Variants in MARK1 observed in about 807,000 individuals in gnomAD.
MARK1 encodes serine/threonine-protein kinase MARK1.
MARK1 carries 40 observed loss-of-function variants against 96.3 expected under a neutral mutation model. The ratio of observed to expected loss-of-function variants is 0.42; its 90% CI spans 0.32 to 0.54. MARK1 has a LOEUF of 0.54. MARK1 is among the 20% of genes least tolerant of loss of function. The probability of loss-of-function intolerance (pLI) is 0.16; values close to 1 mark genes in which losing one functional copy is unlikely to be tolerated. For missense variants in MARK1, 719 were observed against 984.6 expected (o/e 0.73, Z 3.61); for synonymous variants, 317 against 341.2 (o/e 0.93, Z 0.78).
chr1:220,585,241 T>C (rs1348251717), intron 3 of MARK1, among the ~76,000 whole-genome samples: 1 of 152,230 alleles, frequency 6.6e-6, no homozygotes, highest in African/African-American at 2.4e-5. Context: ...ATGCTTTTAA[T>C]TTTGATTTGG....
At chr1:220,626,361 G>A in intron 9 of MARK1, 1 of 549,468 alleles carries the variant, frequency 1.8e-6, no homozygotes, top group South Asian at 1.4e-5. Flanking sequence ...CAGGAACTAG[G>A]GATCTACAGG....
At chr1:220,579,275 A>G (rs772053361) in intron 1 of MARK1, 79 bp from the exon 2 acceptor site, 347 of 938,636 alleles carry the variant, frequency 3.7e-4, no homozygotes, top group Non-Finnish European at 5.4e-4. Flanking sequence ...ATTGGTAATA[A>G]TAATTATTTG....
intron 9 of MARK1, chr1:220,626,852 C>G: frequency 2.4e-6 from 1 of 419,838 alleles, no homozygotes; most frequent in Non-Finnish European, 4.6e-6. Flanking sequence ...GGGGGGCATG[C>G]CAAGTGTATG....
chr1:220,578,143 T>C (rs1213923535), intron 1 of MARK1, among the ~76,000 whole-genome samples: 1 of 152,214 alleles, frequency 6.6e-6, no homozygotes, highest in Non-Finnish European at 1.5e-5. Context: ...AAACAAAATA[T>C]ATCCTTTCCT....
intron 3 of MARK1, among the ~76,000 whole-genome samples, chr1:220,597,812 A>G (rs1288293605): frequency 6.6e-6 from 1 of 152,202 alleles, no homozygotes; most frequent in Non-Finnish European, 1.5e-5. Flanking sequence ...TTGTTTTTAT[A>G]TAAATTAGTA....
rs570801314 is a variant in MARK1 at position 220,625,727 on chromosome 1, G to A, written c.910-5308G>A. The A allele has an allele frequency of 9.1e-5, 39 of 430,416 alleles. No homozygotes were observed. In the East Asian group the frequency reaches 2.6e-3, roughly 29 times the overall value. 26.7% of individuals were successfully genotyped at this position (430,416 alleles called of 1,614,324 possible). Reference sequence around the variant, plus strand: ...TTGAGACCAACTGATGGGAGGGATGGAAGGCAAGCAAGATGACGCAGACAC... The same window carrying A: ...TTGAGACCAACTGATGGGAGGGATGAAAGGCAAGCAAGATGACGCAGACAC... On this transcript the variant is annotated intron_variant, in intron 9 of 17. Transcript: ENST00000366917.
chr1:220,653,853 T>C (rs1271815184), intron 16 of MARK1, among the ~76,000 whole-genome samples: 1 of 152,172 alleles, frequency 6.6e-6, no homozygotes, highest in African/African-American at 2.4e-5. Flanking sequence ...AATGAATACA[T>C]GTATAGTAAA....
intron 1 of MARK1, among the ~76,000 whole-genome samples, chr1:220,562,476 GAAACAA>G (rs758238666): frequency 6.6e-6 from 1 of 151,992 alleles, no homozygotes; most frequent in Admixed American, 6.6e-5. Context: ...GTCTCAAAAG[GAAACAA>G]AAACAAAAAC....
chr1:220,584,261 A>G (rs1664445208), intron 3 of MARK1, among the ~76,000 whole-genome samples: 1 of 152,292 alleles, frequency 6.6e-6, no homozygotes, highest in South Asian at 2.1e-4. Context: ...CATATTCACA[A>G]AAGTGGCTAA....
chr1:220,592,119 T>G (rs1665025345), intron 3 of MARK1, among the ~76,000 whole-genome samples: 1 of 151,772 alleles, frequency 6.6e-6, no homozygotes, highest in African/African-American at 2.4e-5. Context: ...GTTCACACTT[T>G]TGCATAATCC....
intron 17 of MARK1, among the ~76,000 whole-genome samples, chr1:220,658,461 A>G (rs1669295162): frequency 6.6e-6 from 1 of 152,186 alleles, no homozygotes; most frequent in Admixed American, 6.5e-5. Flanking sequence ...TTGCATTTCT[A>G]TCAAGTCCCC....
chr1:220,657,095 C>T (rs564211330), intron 16 of MARK1, among the ~76,000 whole-genome samples: 10 of 152,172 alleles, frequency 6.6e-5, no homozygotes, highest in African/African-American at 2.2e-4. Context: ...ATTTAATTAC[C>T]TTTAAAAATA....
chr1:220,599,748 A>G, intron 4 of MARK1, 50 bp from the exon 5 acceptor site: 1 of 1,017,848 alleles, frequency 9.8e-7, no homozygotes, highest in South Asian at 1.5e-5. Context: ...CTTAAAGCAT[A>G]TTCAATCTGT....
chr1:220,625,297 G>A (rs1326232304), intron 9 of MARK1, among the ~76,000 whole-genome samples: 1 of 152,230 alleles, frequency 6.6e-6, no homozygotes, highest in Admixed American at 6.5e-5. Context: ...GGACAGATGA[G>A]TGATTAAGAC....
At chr1:220,597,481 G>A (rs962270996) in intron 3 of MARK1, among the ~76,000 whole-genome samples, 2 of 152,070 alleles carry the variant, frequency 1.3e-5, no homozygotes, top group African/African-American at 4.8e-5. Flanking sequence ...TTTCCATAAT[G>A]ATTAATAATG....
At chr1:220,577,908 G>T (rs549639364) in intron 1 of MARK1, among the ~76,000 whole-genome samples, 50 of 152,342 alleles carry the variant, frequency 3.3e-4, no homozygotes, top group Middle Eastern at 3.4e-3. Flanking sequence ...AGAGGTTGCA[G>T]ATGTGTATAA....
chr1:220,612,013 G>A (rs1264483437), intron 6 of MARK1, among the ~76,000 whole-genome samples: 2 of 152,188 alleles, frequency 1.3e-5, no homozygotes, highest in East Asian at 1.9e-4. Flanking sequence ...GATTATAGGC[G>A]TGAGCCACTG....
rs1013658400 is a variant in MARK1 at position 220,632,144 on chromosome 1, G to T, written c.1010-57G>T. 15 of 805,866 alleles carry T rather than the reference G, an allele frequency of 1.9e-5. No individual in the cohort carries two copies. The African/African-American group carries it at 2.1e-4, about 11-fold the overall frequency. 49.9% of individuals were successfully genotyped at this position (805,866 alleles called of 1,614,324 possible). A position where few individuals can be genotyped will look rare whatever the true frequency, so the allele number is the denominator to read the frequency against. ...GATGGCAAACTTGCCCATTTTTGTTGATTTGTTTACGAAAATAAAACCATT... is the reference window on the plus strand; with the variant it reads ...GATGGCAAACTTGCCCATTTTTGTTTATTTGTTTACGAAAATAAAACCATT... On this transcript the variant is annotated intron_variant, in intron 10 of 17. Coordinates refer to ENST00000366917, the MANE Select transcript of MARK1 (RefSeq NM_018650.5).
At chr1:220,631,825 A>G (rs1288019748) in intron 10 of MARK1, among the ~76,000 whole-genome samples, 1 of 152,198 alleles carries the variant, frequency 6.6e-6, no homozygotes. Flanking sequence ...ATTTTAAGAG[A>G]TGAAAGAAAC....
Sources: allele counts gnomAD v4.1 joint callset (sites outside exome capture counted in the v4.1 genomes callset), GRCh38; gene constraint gnomAD v4.1.1; transcripts MANE v1.5; gene names NCBI Gene and HGNC (gene_info 2026-07-23, HGNC 2026-07-21).